Variants in MAP4K1 observed in about 807,000 individuals in gnomAD.
MAP4K1 encodes the protein MAPK/ERK kinase kinase kinase 1.
In MAP4K1, 35 loss-of-function variants were observed where a neutral mutation model predicts 122.8. The ratio of observed to expected loss-of-function variants is 0.29; its 90% CI spans 0.22 to 0.38. The LOEUF (loss-of-function observed/expected upper bound fraction) is 0.38, where lower values mean the gene tolerates loss of function less well. Ranked by LOEUF, MAP4K1 falls within the 10% of genes least tolerant of loss-of-function variation. The pLI is 1.00. For missense variants in MAP4K1, 791 were observed against 1,072.6 expected, an observed-to-expected ratio of 0.74 and a Z score of 3.67; for synonymous variants, 412 against 421.3, an observed-to-expected ratio of 0.98 and a Z score of 0.27.
At chr19:38,615,467 G>A (rs1199082377) in intron 4 of MAP4K1, among the ~76,000 whole-genome samples, 1 of 152,092 alleles carries the variant, frequency 6.6e-6, no homozygotes, top group African/African-American at 2.4e-5. Flanking sequence ...ACAAAAAAAT[G>A]AGACAGAAGA....
chr19:38,589,420 C>CT (rs933890014), intron 30 of MAP4K1: 248 of 145,544 alleles, frequency 1.7e-3, no homozygotes, highest in South Asian at 8.6e-3. Context: ...AAAGATACTT[C>CT]TTTTTTTTTT....
At chr19:38,596,075 T>TA (rs1390280288) in intron 26 of MAP4K1, 74 bp from the exon 27 acceptor site, 14 of 1,480,692 alleles carry the variant, frequency 9.5e-6, no homozygotes, top group Non-Finnish European at 1.2e-5. Flanking sequence ...AGAAGGCCAG[T>TA]ACCTGTGCTT....
chr19:38,595,032 C>T (rs553376711), intron 29 of MAP4K1, among the ~76,000 whole-genome samples: 8 of 152,010 alleles, frequency 5.3e-5, no homozygotes, highest in Non-Finnish European at 1.0e-4. Context: ...CAGCTGTAAT[C>T]CCAGCACTTT....
At chr19:38,591,842 A>T (rs1273630611) in intron 30 of MAP4K1, among the ~76,000 whole-genome samples, 2 of 152,002 alleles carry the variant, frequency 1.3e-5, no homozygotes, top group East Asian at 1.9e-4. Flanking sequence ...ACAGTGGCAC[A>T]TGCCTGTAAT....
intron 8 of MAP4K1, among the ~76,000 whole-genome samples, chr19:38,613,504 C>T (rs1975561435): frequency 6.6e-6 from 1 of 151,196 alleles, no homozygotes; most frequent in Admixed American, 6.6e-5. Flanking sequence ...CAGCCTGGGC[C>T]ACAGAGTGAG....
chr19:38,588,473 T>C (rs1424373718), intron 30 of MAP4K1, among the ~76,000 whole-genome samples: 3 of 151,994 alleles, frequency 2.0e-5, no homozygotes, highest in Non-Finnish European at 2.9e-5. Context: ...GGCAGATCAC[T>C]TGAGGTCAGG....
intron 19 of MAP4K1, among the ~76,000 whole-genome samples, chr19:38,602,357 G>A (rs1975088819): frequency 1.3e-5 from 2 of 151,776 alleles, no homozygotes; most frequent in African/African-American, 4.9e-5. Context: ...TTACAGGCAT[G>A]AGCCACTGTG....
chr19:38,597,340 C>T lies in MAP4K1; in HGVS notation c.1823G>A (p.Arg608Gln), dbSNP rs758807987. ...STKIQDTKGC[R>Q]ACCVAEGASS... is the part of the protein sequence containing the mutation. ...CTCTCTCTCACCCACACAGCACGCC[C>T]GGCAGCCTTTGGTGTCCTGGATCTT... is the stretch of plus-strand genomic sequence containing the variant. The change falls in exon 24 of 31, where the codon CGG (arginine) becomes CAG (glutamine). Residue 608 changes from arginine (R) to glutamine (Q), a missense_variant. Physicochemically the swap from Arg to Gln is conservative, Grantham distance 43. Around this residue, in one of 4 missense-constraint regions of MAP4K1, gnomAD observed 267 missense variants for 323.0 expected, o/e 0.83. Coordinates refer to ENST00000396857, the MANE Select transcript of MAP4K1 (RefSeq NM_001042600.3). The surrounding 1 kb of genome is among the most constrained non-coding windows in gnomAD (Gnocchi z 4.6). 2.5e-6 allele frequency: 4 copies of T among 1,613,940 alleles called. No individual in the cohort carries two copies. In the South Asian group the frequency reaches 3.3e-5, roughly 13 times the overall value.
At chr19:38,610,158 A>G in intron 11 of MAP4K1, 133 bp from the exon 12 acceptor site, 1 of 635,548 alleles carries the variant, frequency 1.6e-6, no homozygotes, top group Non-Finnish European at 2.8e-6. Context: ...GTGCCAGTGA[A>G]GGCAGAGGGC....
chr19:38,590,929 A>G (rs1163888046), intron 30 of MAP4K1, among the ~76,000 whole-genome samples: 1 of 151,782 alleles, frequency 6.6e-6, no homozygotes, highest in Non-Finnish European at 1.5e-5. Flanking sequence ...AATGGGCATC[A>G]CGTCTGCAAT....
At chr19:38,605,307 T>C in intron 19 of MAP4K1, 102 bp downstream of exon 19, 1 of 878,410 alleles carries the variant, frequency 1.1e-6, no homozygotes, top group South Asian at 1.6e-5. Context: ...GCTCAACAAA[T>C]GTCACCTGTT....
In MAP4K1 at chr19:38,587,706, G is replaced by A; in HGVS notation, c.*42C>T. 1 of 1,434,284 alleles carries A rather than the reference G, an allele frequency of 7.0e-7. No homozygotes were observed. The highest frequency in any genetic ancestry group is 9.8e-7 in the Non-Finnish European group (1 of 1,016,746). 88.8% of individuals were successfully genotyped at this position (1,434,284 alleles called of 1,614,324 possible). ...CCATGACCACTAGTGTGTCTATGGGGGAGGGGGTGCAAGGACTAGTTCCTG... is the reference window on the plus strand; with the variant it reads ...CCATGACCACTAGTGTGTCTATGGGAGAGGGGGTGCAAGGACTAGTTCCTG... On this transcript the variant is annotated 3_prime_UTR_variant, in exon 31 of 31. Transcript: ENST00000396857.
intron 3 of MAP4K1, among the ~76,000 whole-genome samples, chr19:38,616,558 G>A (rs989065280): frequency 1.3e-5 from 2 of 152,136 alleles, no homozygotes; most frequent in Non-Finnish European, 2.9e-5. Context: ...GAGATCTCAC[G>A]GGTTGTGGAG....
intron 30 of MAP4K1, among the ~76,000 whole-genome samples, chr19:38,588,834 G>A (rs186493271): frequency 4.0e-5 from 6 of 151,804 alleles, no homozygotes; most frequent in Non-Finnish European, 7.4e-5. Flanking sequence ...CAGGAGGATC[G>A]ATTGAACCTG....
intron 16 of MAP4K1, among the ~76,000 whole-genome samples, chr19:38,606,715 C>CA (rs1223105882): frequency 2.6e-5 from 4 of 151,634 alleles, no homozygotes; most frequent in East Asian, 1.9e-4. Context: ...AGCCTGTTTC[C>CA]AAAAAAAAGA....
chr19:38,614,023 C>T lies in MAP4K1; in HGVS notation c.460+20G>A. ...CGGCCCCCCAGTCAGCCCCCCTGCT[C>T]AACCCCCAGCCTTACTCACCCAATC... On this transcript the variant is annotated intron_variant, in intron 7 of 30. Transcript: ENST00000396857. 6.3e-7 allele frequency: 1 copy of T among 1,597,938 alleles called. No individual in the cohort carries two copies. Among genetic ancestry groups the T allele is most frequent in the African/African-American group, 1.3e-5 (1 of 74,442 alleles).
intron 19 of MAP4K1, among the ~76,000 whole-genome samples, chr19:38,604,531 C>A (rs1192634223): frequency 6.6e-6 from 1 of 152,148 alleles, no homozygotes; most frequent in Non-Finnish European, 1.5e-5. Context: ...TGGCTCATGA[C>A]TGTAATCCCA....
At chr19:38,612,281 G>GTGGTGGTGCACACC (rs1284465542) in intron 9 of MAP4K1, among the ~76,000 whole-genome samples, 1 of 151,586 alleles carries the variant, frequency 6.6e-6, no homozygotes, top group Non-Finnish European at 1.5e-5. Context: ...TTAGCCGGGC[G>GTGGTGGTGCACACC]TGGTGGTGCA....
intron 22 of MAP4K1, among the ~76,000 whole-genome samples, chr19:38,599,347 C>CAAAAAAAA (rs35011527): frequency 2.5e-5 from 1 of 39,476 alleles, no homozygotes; most frequent in African/African-American, 8.2e-5. Flanking sequence ...GACTCGGTCT[C>CAAAAAAAA]AAAAAAAAAA....
Sources: gnomAD v4.1 joint callset for allele counts (sites outside exome capture counted in the v4.1 genomes callset) on GRCh38, gnomAD v4.1.1 for gene constraint, gnomAD v4.1.1 regional missense constraint, Gnocchi (gnomAD v3.1) non-coding constraint, MANE v1.5 for transcripts, NCBI Gene and HGNC (gene_info 2026-07-23, HGNC 2026-07-21) for gene names.